The following MEIOB variants were observed in gnomAD, a reference collection of about 807,000 sequenced individuals.
MEIOB encodes meiosis-specific with OB domain-containing protein.
MEIOB carries 50 observed loss-of-function variants against 53.1 expected under a neutral mutation model. The observed-to-expected ratio is 0.94, with a 90% confidence interval of 0.75 to 1.19. The LOEUF (loss-of-function observed/expected upper bound fraction) is 1.19. MEIOB is among the 50% of genes most tolerant of loss of function. The probability of loss-of-function intolerance (pLI) is 0.00; values close to 1 mark genes in which losing one functional copy is unlikely to be tolerated. For synonymous variants in MEIOB, 192 were observed against 182.5 expected (o/e 1.05, Z -0.42); for missense variants, 551 against 550.8 (o/e 1.00, Z 0.00).
rs779309015 is a variant in MEIOB, at chr16:1,862,077, C to T, written c.167G>A (p.Arg56Gln). Residue 56 changes from arginine to glutamine, a missense_variant, in exon 4 of 14, where the codon CGG becomes CAG. Coordinates refer to ENST00000325962, the MANE Select transcript of MEIOB (RefSeq NM_001163560.3). ...ATTTACAAAATGTGCTGGTGAATCC[C>T]GAATGGTGAAGCTGAAAGTGTACCT... is the stretch of plus-strand genomic sequence containing the variant. ...SERYTFSFTIRDSPAHFVNAA... is the reference protein window; with the variant it reads ...SERYTFSFTIQDSPAHFVNAA... 6 of 1,551,184 alleles carry T rather than the reference C, an allele frequency of 3.9e-6. No homozygotes were observed. The highest frequency in any genetic ancestry group is 2.7e-5 in the African/African-American group (2 of 73,118).
intron 1 of MEIOB, among the ~76,000 whole-genome samples, chr16:1,869,368 G>A (rs1199239900): frequency 1.3e-5 from 2 of 151,892 alleles, no homozygotes; most frequent in African/African-American, 2.4e-5. Context: ...CAAGTGATCC[G>A]GCCGCCCCCA....
intron 9 of MEIOB, among the ~76,000 whole-genome samples, chr16:1,845,771 CA>C (rs1333928242): frequency 1.3e-5 from 2 of 152,160 alleles, no homozygotes; most frequent in Non-Finnish European, 2.9e-5. Context: ...GCTCAAGGGT[CA>C]GGGGTGCTGT....
At chr16:1,835,714 G>A (rs1264828148) in intron 13 of MEIOB, among the ~76,000 whole-genome samples, 1 of 152,166 alleles carries the variant, frequency 6.6e-6, no homozygotes, top group African/African-American at 2.4e-5. Context: ...TGATTCGAAT[G>A]ACCCTGCTCA....
At chr16:1,868,960 G>A (rs923700738) in intron 1 of MEIOB, among the ~76,000 whole-genome samples, 6 of 151,872 alleles carry the variant, frequency 4.0e-5, no homozygotes, top group African/African-American at 7.3e-5. Context: ...AATTAATATC[G>A]ATTAAACCTA....
At chr16:1,867,426 G>C (rs1399004331) in intron 2 of MEIOB, among the ~76,000 whole-genome samples, 5 of 149,186 alleles carry the variant, frequency 3.4e-5, no homozygotes, top group African/African-American at 1.2e-4. Context: ...TGGATAATTT[G>C]GTCAGAAAAT....
chr16:1,859,607 G>C (rs1899392104), intron 5 of MEIOB, among the ~76,000 whole-genome samples: 1 of 152,130 alleles, frequency 6.6e-6, no homozygotes, highest in Admixed American at 6.6e-5. Flanking sequence ...AGTTCACGGT[G>C]TTCATGAAAT....
In MEIOB at chr16:1,836,114, A is replaced by G. The variant is rs192569823; in HGVS notation, c.1305+1670T>C. ...CCCCTTTGAATCCTTCTTCTCCCCT[A>G]TATCTTACTGGTCCCCTCATTAATT... On this transcript the variant is annotated intron_variant, in intron 13 of 13. Coordinates refer to ENST00000325962, the MANE Select transcript of MEIOB (RefSeq NM_001163560.3). Among the ~76,000 whole-genome samples the G allele has an allele frequency of 4.2e-3, 635 of 151,976 alleles. 15 individuals carry two copies. Among genetic ancestry groups the G allele is most frequent in the Non-Finnish European group, 1.5e-3 (102 of 67,976 alleles).
intron 9 of MEIOB, among the ~76,000 whole-genome samples, chr16:1,849,794 A>G (rs1297547043): frequency 6.6e-6 from 1 of 152,208 alleles, no homozygotes; most frequent in Non-Finnish European, 1.5e-5. Context: ...CGTAGTAGCT[A>G]TGATCAGTAA....
Position 1,857,930 on chromosome 16 carries a change from G to C in MEIOB, c.333C>G (p.Ser111Arg), listed in dbSNP as rs1270005644. The C allele has an allele frequency of 2.6e-6, 4 of 1,510,280 alleles. No homozygotes were observed. In the East Asian group the frequency reaches 1.0e-4, roughly 38 times the overall value. 93.6% of individuals were successfully genotyped at this position (1,510,280 alleles called of 1,614,324 possible). Residue 111 changes from serine (S) to arginine (R), a missense_variant and splice_region_variant, in exon 6 of 14, where the codon AGC becomes AGG. Physicochemically the swap from Ser to Arg is moderately radical, Grantham distance 110. Coordinates refer to ENST00000325962, the MANE Select transcript of MEIOB (RefSeq NM_001163560.3). ...REEKFSPATP[S>R]NCKLLLSENH... The stretch of plus-strand genomic sequence containing the variant: ...TCTCACTGAGCAACAGTTTACAGTT[G>C]CTAAATTGCAAAAACACAAGAAAGT...
chr16:1,867,352 A>T (rs1899618905), intron 2 of MEIOB, among the ~76,000 whole-genome samples: 1 of 152,116 alleles, frequency 6.6e-6, no homozygotes, highest in Non-Finnish European at 1.5e-5. Context: ...TCATTGTAGA[A>T]AACACACATG....
chr16:1,837,908 G>A, intron 12 of MEIOB, 38 bp from the exon 13 acceptor site: 1 of 1,457,400 alleles, frequency 6.9e-7, no homozygotes, highest in Non-Finnish European at 9.1e-7. Flanking sequence ...TATATTTGAA[G>A]TTTACAAAGA....
chr16:1,855,893 T>C (rs909028626), intron 6 of MEIOB, among the ~76,000 whole-genome samples: 2 of 151,916 alleles, frequency 1.3e-5, no homozygotes, highest in African/African-American at 4.8e-5. Flanking sequence ...CAATTCACAT[T>C]TACTTACATG....
intron 13 of MEIOB, among the ~76,000 whole-genome samples, chr16:1,835,892 C>T (rs1490091518): frequency 6.7e-6 from 1 of 150,196 alleles, no homozygotes; most frequent in Non-Finnish European, 1.5e-5. Flanking sequence ...CACAGTCTCA[C>T]TCTGTCACCC....
At chr16:1,864,225 T>C (rs402151) in intron 3 of MEIOB, among the ~76,000 whole-genome samples, 125,056 of 151,640 alleles carry the variant, frequency 0.82, 51,686 homozygotes, top group Middle Eastern at 0.9. Flanking sequence ...CTATTAGTGT[T>C]TACCTCTGGG....
chr16:1,865,642 C>T, intron 3 of MEIOB, 136 bp downstream of exon 3: 1 of 615,694 alleles, frequency 1.6e-6, no homozygotes, highest in East Asian at 2.9e-5. Context: ...AGGTACTTGA[C>T]CATCCAATAG....
intron 3 of MEIOB, among the ~76,000 whole-genome samples, chr16:1,865,455 G>A (rs546903235): frequency 2.1e-5 from 3 of 142,626 alleles, no homozygotes; most frequent in East Asian, 4.1e-4. Flanking sequence ...GAGAACACAT[G>A]TACTCAAATA....
At chr16:1,853,170 G>C in intron 8 of MEIOB, 36 bp from the exon 9 acceptor site, 1 of 1,568,936 alleles carries the variant, frequency 6.4e-7, no homozygotes, top group Non-Finnish European at 8.7e-7. Flanking sequence ...ATTATTACAT[G>C]GGAGGATATA....
chr16:1,871,655 G>C (rs1398003387), intron 1 of MEIOB, among the ~76,000 whole-genome samples: 3 of 147,744 alleles, frequency 2.0e-5, no homozygotes, highest in Non-Finnish European at 4.5e-5. Context: ...CTCCACAGTA[G>C]CTGGGATTAC....
intron 2 of MEIOB, among the ~76,000 whole-genome samples, chr16:1,867,756 G>A (rs142539737): frequency 0.012 from 1,757 of 152,204 alleles, 19 homozygotes; most frequent in Admixed American, 0.017. Flanking sequence ...ACAGACATGA[G>A]CCACTGTGCC....
Sources: allele counts gnomAD v4.1 joint callset (sites outside exome capture counted in the v4.1 genomes callset), GRCh38; gene constraint gnomAD v4.1.1; transcripts MANE v1.5; gene names NCBI Gene and HGNC (gene_info 2026-07-23, HGNC 2026-07-21).